The following MCC variants were observed in gnomAD, a reference collection of about 807,000 sequenced individuals.
MCC encodes MCC regulator of Wnt signaling pathway, also known as colorectal mutant cancer protein.
In MCC, 90 loss-of-function variants were observed where a neutral mutation model predicts 116.2. The observed-to-expected ratio is 0.77, with a 90% confidence interval of 0.65 to 0.92. The LOEUF (loss-of-function observed/expected upper bound fraction) is 0.92, where lower values mean the gene tolerates loss of function less well. Ranked by LOEUF, MCC falls within the 40% of genes least tolerant of loss-of-function variation. MCC has a pLI of 0.00. For missense variants in MCC, 1,516 were observed against 1,312.2 expected (o/e 1.16, Z -2.40); for synonymous variants, 578 against 510.5 (o/e 1.13, Z -1.78).
chr5:113,462,222 G>C (rs1228747160), intron 1 of MCC, among the ~76,000 whole-genome samples: 4 of 152,316 alleles, frequency 2.6e-5, no homozygotes, highest in African/African-American at 9.6e-5. Flanking sequence ...TGTGACTCTG[G>C]CTAACCCAGC....
At chr5:113,064,369 G>T (rs1285454863) in intron 13 of MCC, among the ~76,000 whole-genome samples, 1 of 152,238 alleles carries the variant, frequency 6.6e-6, no homozygotes. Context: ...GTATTTCTCT[G>T]CTCTTTCTCT....
intron 1 of MCC, among the ~76,000 whole-genome samples, chr5:113,463,358 A>G (rs1771799623): frequency 6.6e-6 from 1 of 152,180 alleles, no homozygotes; most frequent in Admixed American, 6.6e-5. Flanking sequence ...CAAAGGAGAG[A>G]TGGGAAGGCC....
intron 3 of MCC, among the ~76,000 whole-genome samples, chr5:113,190,699 G>C (rs1762114189): frequency 1.3e-5 from 2 of 152,218 alleles, no homozygotes; most frequent in Non-Finnish European, 1.5e-5. Flanking sequence ...AATGGTTTCA[G>C]AATCTGAGCA....
At chr5:113,315,389 T>C (rs1030602960) in intron 3 of MCC, among the ~76,000 whole-genome samples, 2 of 152,210 alleles carry the variant, frequency 1.3e-5, no homozygotes, top group Admixed American at 1.3e-4. Context: ...TTATAGGTAT[T>C]AGATTAAATC....
At chr5:113,484,282 A>C (rs1221910921) in intron 1 of MCC, among the ~76,000 whole-genome samples, 1 of 152,216 alleles carries the variant, frequency 6.6e-6, no homozygotes, top group Non-Finnish European at 1.5e-5. Context: ...TTAAAATAAA[A>C]GTTAAAAATA....
At chr5:113,045,340 C>T (rs539348343) in intron 16 of MCC, among the ~76,000 whole-genome samples, 3 of 146,422 alleles carry the variant, frequency 2.0e-5, no homozygotes, top group African/African-American at 7.3e-5. Context: ...CCCAGTGGAG[C>T]AAGAAAAAAG....
At chr5:113,285,428 A>G (rs1244757361) in intron 3 of MCC, among the ~76,000 whole-genome samples, 1 of 147,914 alleles carries the variant, frequency 6.8e-6, no homozygotes, top group Non-Finnish European at 1.5e-5. Context: ...AGGGAGATCC[A>G]GATACTCTTC....
At chr5:113,138,208 G>A (rs1460811933) in intron 5 of MCC, among the ~76,000 whole-genome samples, 1 of 151,902 alleles carries the variant, frequency 6.6e-6, no homozygotes, top group Non-Finnish European at 1.5e-5. Context: ...GGTAGAGAGG[G>A]GTGTGTTGGC....
chr5:113,409,036 A>C (rs1360467537), intron 1 of MCC, among the ~76,000 whole-genome samples: 1 of 152,220 alleles, frequency 6.6e-6, no homozygotes, highest in Non-Finnish European at 1.5e-5. Context: ...GCTAAAGAGT[A>C]ATAAATGCCA....
At chr5:113,228,928 G>T (rs1763844693) in intron 3 of MCC, among the ~76,000 whole-genome samples, 1 of 152,132 alleles carries the variant, frequency 6.6e-6, no homozygotes, top group South Asian at 2.1e-4. Flanking sequence ...TGGAAGGATT[G>T]GGTTGCCATT....
chr5:113,063,230 G>A (rs561437926), intron 14 of MCC, among the ~76,000 whole-genome samples: 138 of 152,324 alleles, frequency 9.1e-4, no homozygotes, highest in Middle Eastern at 3.4e-3. Context: ...GAAGGCATTC[G>A]TGTTTTTAGG....
intron 16 of MCC, among the ~76,000 whole-genome samples, chr5:113,044,862 C>T (rs933943581): frequency 6.6e-6 from 1 of 152,238 alleles, no homozygotes; most frequent in African/African-American, 2.4e-5. Flanking sequence ...GCGTGAGCCA[C>T]CGCACCTGGC....
At chr5:113,355,854 C>T (rs375057039) in intron 2 of MCC, among the ~76,000 whole-genome samples, 15 of 152,082 alleles carry the variant, frequency 9.9e-5, no homozygotes, top group Non-Finnish European at 1.5e-4. Flanking sequence ...ATTTGGGCAC[C>T]GGGACACAAG....
chr5:113,267,676 G>A (rs1765470135), intron 3 of MCC, among the ~76,000 whole-genome samples: 1 of 152,194 alleles, frequency 6.6e-6, no homozygotes. Context: ...ACAATTTCCA[G>A]AACAGGCACA....
At chr5:113,034,139 G>A (rs906657611) in intron 17 of MCC, among the ~76,000 whole-genome samples, 1 of 150,468 alleles carries the variant, frequency 6.6e-6, no homozygotes, top group Non-Finnish European at 1.5e-5. Flanking sequence ...GGCTCTAGTG[G>A]TCCTCCCACC....
intron 11 of MCC, among the ~76,000 whole-genome samples, chr5:113,071,948 G>T (rs747392745): frequency 3.9e-5 from 6 of 152,206 alleles, no homozygotes; most frequent in Non-Finnish European, 8.8e-5. Flanking sequence ...CTAACTAGTG[G>T]TAGGATAAGC....
intron 1 of MCC, among the ~76,000 whole-genome samples, chr5:113,409,041 A>C (rs1053283830): frequency 6.6e-6 from 1 of 152,216 alleles, no homozygotes; most frequent in African/African-American, 2.4e-5. Context: ...AGAGTAATAA[A>C]TGCCAATTTA....
At chr5:113,380,112 C>T (rs907791717) in intron 2 of MCC, among the ~76,000 whole-genome samples, 10 of 152,196 alleles carry the variant, frequency 6.6e-5, no homozygotes, top group Admixed American at 5.9e-4. Flanking sequence ...TAGTCTTTTT[C>T]TGCCAACCCA....
At position 113,104,327 on chromosome 5, in the gene MCC, C is replaced by G; in HGVS notation, c.1056G>C (p.Leu352=). Residue 352 remains leucine, a synonymous_variant, in exon 7 of 19, where the codon CTG becomes CTC. Transcript: ENST00000408903. ...MDNCSDLNSE[L]QRVLTGLENV... is the part of the protein sequence containing the mutation. ...TCTCCAGCCCTGTCAGCACCCTCTGCAGTTCTGAGTTCAGGTCACTGCAGT... is the reference window on the plus strand; with the variant it reads ...TCTCCAGCCCTGTCAGCACCCTCTGGAGTTCTGAGTTCAGGTCACTGCAGT... The G allele has an allele frequency of 1.2e-6, 2 of 1,613,430 alleles. No individual in the cohort carries two copies. Among genetic ancestry groups the G allele is most frequent in the Non-Finnish European group, 1.7e-6 (2 of 1,179,802 alleles).
Sources: gnomAD v4.1 joint callset for allele counts (sites outside exome capture counted in the v4.1 genomes callset) on GRCh38, gnomAD v4.1.1 for gene constraint, MANE v1.5 for transcripts, NCBI Gene and HGNC (gene_info 2026-07-23, HGNC 2026-07-21) for gene names.